Variants in SGMS2 observed in about 807,000 individuals in gnomAD.
SGMS2 encodes phosphatidylcholine:ceramide cholinephosphotransferase 2.
Under a neutral mutation model 43.8 loss-of-function variants are expected in SGMS2, and 21 were observed. The observed-to-expected ratio is 0.48, with a 90% CI of 0.34 to 0.69. The LOEUF (loss-of-function observed/expected upper bound fraction) is 0.69, where lower values mean the gene tolerates loss of function less well. Among genes scored for constraint, SGMS2 ranks in the 30% least tolerant of loss-of-function variants. The probability of loss-of-function intolerance (pLI) is 0.01; values close to 1 mark genes in which losing one functional copy is unlikely to be tolerated. For missense variants in SGMS2, 384 were observed against 443.2 expected, an observed-to-expected ratio of 0.87 and a Z score of 1.20; for synonymous variants, 167 against 160.6, an observed-to-expected ratio of 1.04 and a Z score of -0.30.
At chr4:107,881,673 CCCT>C (rs1729365153) in intron 2 of SGMS2, among the ~76,000 whole-genome samples, 1 of 152,070 alleles carries the variant, frequency 6.6e-6, no homozygotes, top group Non-Finnish European at 1.5e-5. Flanking sequence ...ACTGTAGTCA[CCCT>C]GTTCTATCAA....
intron 1 of SGMS2, among the ~76,000 whole-genome samples, chr4:107,837,449 C>T (rs189687753): frequency 2.6e-5 from 4 of 152,116 alleles, no homozygotes; most frequent in African/African-American, 4.8e-5. Flanking sequence ...AGGGAAAAAG[C>T]GTGATTACAC....
At chr4:107,897,308 T>G (rs2126126290) in intron 3 of SGMS2, among the ~76,000 whole-genome samples, 1 of 152,350 alleles carries the variant, frequency 6.6e-6, no homozygotes, top group Non-Finnish European at 1.5e-5. Context: ...TAGACTTAGC[T>G]ATGAGTTGTC....
At chr4:107,856,403 T>G (rs1314753281) in intron 1 of SGMS2, among the ~76,000 whole-genome samples, 1 of 152,166 alleles carries the variant, frequency 6.6e-6, no homozygotes, top group Non-Finnish European at 1.5e-5. Flanking sequence ...GGGCACACAT[T>G]TTCAGCTTGA....
At position 107,913,353 on chromosome 4, in the gene SGMS2, A is replaced by G. The variant is rs141802336; in HGVS notation, c.*2800A>G. On this transcript the variant is annotated 3_prime_UTR_variant, in exon 7 of 7. Coordinates refer to ENST00000690982, the MANE Select transcript of SGMS2 (RefSeq NM_001375905.1). ...CTGAGTCCACTTGAACTAATTGTGA[A>G]TTTGTTACTTAATTTACTGGCATCT... The G allele has an allele frequency of 3.5e-4, 54 of 152,174 alleles. No individual in the cohort carries two copies. The highest frequency in any genetic ancestry group is 1.2e-3 in the African/African-American group (50 of 41,508). The allele number at this position is 152,174 out of a possible 1,614,324, so 9.4% of individuals were successfully genotyped here.
chr4:107,885,560 T>G (rs1025548602), intron 2 of SGMS2, among the ~76,000 whole-genome samples: 1 of 152,164 alleles, frequency 6.6e-6, no homozygotes, highest in Non-Finnish European at 1.5e-5. Context: ...TTAGAATCTT[T>G]TTGTCAAATA....
At chr4:107,866,186 CTT>C (rs542479836) in intron 2 of SGMS2, among the ~76,000 whole-genome samples, 3 of 152,142 alleles carry the variant, frequency 2.0e-5, no homozygotes, top group Non-Finnish European at 4.4e-5. Flanking sequence ...ATTGAATAAA[CTT>C]TTGTTATTGA....
intron 1 of SGMS2, among the ~76,000 whole-genome samples, chr4:107,855,902 G>A (rs1727398915): frequency 6.6e-6 from 1 of 152,090 alleles, no homozygotes; most frequent in African/African-American, 2.4e-5. Context: ...ATTTATAGAT[G>A]AGGGAACTAA....
intron 2 of SGMS2, among the ~76,000 whole-genome samples, chr4:107,859,798 G>T (rs1227632262): frequency 6.6e-6 from 1 of 152,000 alleles, no homozygotes; most frequent in African/African-American, 2.4e-5. Flanking sequence ...GATGGCAGAT[G>T]GACACAAGCA....
chr4:107,905,452 A>G (rs1731474891), intron 5 of SGMS2, among the ~76,000 whole-genome samples: 1 of 152,188 alleles, frequency 6.6e-6, no homozygotes, highest in Non-Finnish European at 1.5e-5. Context: ...AAACCTCATA[A>G]ACAATAATAG....
At chr4:107,857,775 G>A (rs1401228386) in intron 1 of SGMS2, among the ~76,000 whole-genome samples, 1 of 152,166 alleles carries the variant, frequency 6.6e-6, no homozygotes, top group African/African-American at 2.4e-5. Context: ...GACAGATTAT[G>A]CACAGCACAT....
intron 1 of SGMS2, among the ~76,000 whole-genome samples, chr4:107,846,282 T>G: frequency 9.3e-6 from 1 of 108,030 alleles, no homozygotes; most frequent in African/African-American, 3.7e-5. Context: ...CCCACAATAG[T>G]ACCCAGAGTG....
intron 2 of SGMS2, among the ~76,000 whole-genome samples, chr4:107,892,041 G>A (rs1730262160): frequency 6.6e-6 from 1 of 150,982 alleles, no homozygotes. Flanking sequence ...TAGAAGGGAA[G>A]CCTTGCCAAG....
intron 1 of SGMS2, among the ~76,000 whole-genome samples, chr4:107,844,181 G>A (rs574472574): frequency 7.9e-5 from 12 of 151,956 alleles, no homozygotes; most frequent in South Asian, 2.1e-4. Flanking sequence ...AAAGTTAGCC[G>A]GGCATGGAGG....
chr4:107,838,064 G>A (rs1244782633), intron 1 of SGMS2, among the ~76,000 whole-genome samples: 1 of 152,092 alleles, frequency 6.6e-6, no homozygotes, highest in African/African-American at 2.4e-5. Flanking sequence ...GTTATGGGAA[G>A]TCTAGAATCA....
At chr4:107,841,985 T>C (rs1726539866) in intron 1 of SGMS2, among the ~76,000 whole-genome samples, 1 of 151,966 alleles carries the variant, frequency 6.6e-6, no homozygotes, top group Non-Finnish European at 1.5e-5. Context: ...TTCCATGAGG[T>C]TGGGAGAAGC....
At chr4:107,905,550 A>G (rs2047026) in intron 5 of SGMS2, among the ~76,000 whole-genome samples, 142,899 of 152,270 alleles carry the variant, frequency 0.94, 67,297 homozygotes, top group East Asian at 0.98. Flanking sequence ...CCCTCTGAGG[A>G]ATGCAGTATT....
At chr4:107,840,548 G>C (rs1726441066) in intron 1 of SGMS2, among the ~76,000 whole-genome samples, 1 of 152,104 alleles carries the variant, frequency 6.6e-6, no homozygotes, top group South Asian at 2.1e-4. Context: ...GGAGTGAATA[G>C]GAAATAGGAA....
intron 2 of SGMS2, among the ~76,000 whole-genome samples, chr4:107,863,297 G>T (rs1388984944): frequency 6.6e-6 from 1 of 152,148 alleles, no homozygotes; most frequent in Non-Finnish European, 1.5e-5. Flanking sequence ...GATAGGGGTG[G>T]TAATGGTGAC....
At chr4:107,869,789 G>A (rs61233403) in intron 2 of SGMS2, among the ~76,000 whole-genome samples, 82,185 of 151,908 alleles carry the variant, frequency 0.54, 23,214 homozygotes, top group African/African-American at 0.67. Flanking sequence ...TAATTGTTAT[G>A]GCTAATGGGG....
Sources: allele counts gnomAD v4.1 joint callset (sites outside exome capture counted in the v4.1 genomes callset), GRCh38; gene constraint gnomAD v4.1.1; transcripts MANE v1.5; gene names NCBI Gene and HGNC (gene_info 2026-07-23, HGNC 2026-07-21).